The following CPLX2 variants were observed in gnomAD, a reference collection of about 807,000 sequenced individuals.
CPLX2 encodes complexin 2, also known as complexin-2.
In CPLX2, 5 loss-of-function variants were observed where a neutral mutation model predicts 16.3. The ratio of observed to expected loss-of-function variants is 0.31; its 90% CI spans 0.16 to 0.64. The LOEUF is 0.64. Among genes scored for constraint, CPLX2 ranks in the 30% least tolerant of loss-of-function variants. The pLI is 0.79. For missense variants in CPLX2, 144 were observed against 181.4 expected, an observed-to-expected ratio of 0.79 and a Z score of 1.18; for synonymous variants, 89 against 73.2, an observed-to-expected ratio of 1.22 and a Z score of -1.10.
At chr5:175,808,421 C>T (rs575995519) in intron 1 of CPLX2, among the ~76,000 whole-genome samples, 1 of 151,744 alleles carries the variant, frequency 6.6e-6, no homozygotes, top group South Asian at 2.1e-4. Context: ...GCATGGTGCC[C>T]CCTAGAATCA....
chr5:175,842,754 G>A (rs1758967482), intron 2 of CPLX2, among the ~76,000 whole-genome samples: 1 of 152,322 alleles, frequency 6.6e-6, no homozygotes, highest in Admixed American at 6.5e-5. Context: ...TGGGTATTAG[G>A]CAGCCTCTCC....
intron 2 of CPLX2, among the ~76,000 whole-genome samples, chr5:175,819,413 A>AT (rs556167183): frequency 6.6e-6 from 1 of 152,072 alleles, no homozygotes; most frequent in Non-Finnish European, 1.5e-5. Context: ...AACATTTGGT[A>AT]TTTTCCGTCT....
chr5:175,824,344 T>G (rs529941832), intron 2 of CPLX2, among the ~76,000 whole-genome samples: 4 of 152,166 alleles, frequency 2.6e-5, no homozygotes, highest in African/African-American at 7.2e-5. Flanking sequence ...CTAAGAAATA[T>G]AGCAAGCAAT....
chr5:175,813,899 T>C (rs1469005530), intron 2 of CPLX2, among the ~76,000 whole-genome samples: 4 of 152,232 alleles, frequency 2.6e-5, no homozygotes, highest in African/African-American at 9.6e-5. Flanking sequence ...TGGAAGTGGA[T>C]AAACGATGTT....
chr5:175,854,562 G>T (rs867604436), intron 2 of CPLX2, among the ~76,000 whole-genome samples: 1 of 152,188 alleles, frequency 6.6e-6, no homozygotes. Flanking sequence ...TGCCTGGCAG[G>T]TGGTGAGCAC....
chr5:175,860,627 G>GAAGA lies in CPLX2; in HGVS notation c.-88-18022_-88-18021insAAAG, dbSNP rs1246479604. 1.1e-4 allele frequency among the ~76,000 whole-genome samples: 16 copies of GAAGA among 151,682 alleles called. 1 individual carries two copies. Among genetic ancestry groups the GAAGA allele is most frequent in the African/African-American group, 3.1e-4 (13 of 41,372 alleles). On this transcript the variant is annotated intron_variant, in intron 2 of 4. Coordinates refer to the CPLX2 transcript ENST00000359546. ...GGAAGGAAGGAAGGAAGGAAGGAAG[G>GAAGA]AAGGAAGGAAGGAAGGGTCTCTTTC...
intron 2 of CPLX2, among the ~76,000 whole-genome samples, chr5:175,831,806 G>A (rs566244591): frequency 2.6e-5 from 4 of 152,332 alleles, no homozygotes; most frequent in Admixed American, 6.5e-5. Context: ...CAGAGGCAGA[G>A]GCAACTGATT....
intron 2 of CPLX2, among the ~76,000 whole-genome samples, chr5:175,836,163 A>G (rs959511016): frequency 6.6e-6 from 1 of 152,126 alleles, no homozygotes; most frequent in Non-Finnish European, 1.5e-5. Flanking sequence ...ATCCTGGCTA[A>G]CACGGTGAAA....
At chr5:175,848,999 T>C (rs1421407184) in intron 2 of CPLX2, among the ~76,000 whole-genome samples, 2 of 151,712 alleles carry the variant, frequency 1.3e-5, no homozygotes, top group East Asian at 3.9e-4. Context: ...GCCCAGAGAG[T>C]GACTGGATTG....
chr5:175,815,521 C>G (rs573268842), intron 2 of CPLX2, among the ~76,000 whole-genome samples: 25 of 152,304 alleles, frequency 1.6e-4, no homozygotes, highest in Middle Eastern at 3.4e-3. Context: ...TACACCTGGG[C>G]TGGTTTGTTT....
chr5:175,839,102 T>G (rs1047094505), intron 2 of CPLX2, among the ~76,000 whole-genome samples: 1 of 152,182 alleles, frequency 6.6e-6, no homozygotes, highest in African/African-American at 2.4e-5. Context: ...CACACGATGT[T>G]GCCCAGGCTG....
chr5:175,855,681 C>T (rs2113683367), intron 2 of CPLX2, among the ~76,000 whole-genome samples: 1 of 152,194 alleles, frequency 6.6e-6, no homozygotes, highest in South Asian at 2.1e-4. Flanking sequence ...TCAGTAAGTC[C>T]AACAGAAAGA....
chr5:175,860,428 G>C (rs1759339792), intron 2 of CPLX2, among the ~76,000 whole-genome samples: 1 of 138,960 alleles, frequency 7.2e-6, no homozygotes, highest in African/African-American at 2.8e-5. Context: ...AAGGAAGGAA[G>C]GAAGGAAGAA....
chr5:175,807,316 G>T (rs747524541), intron 1 of CPLX2, among the ~76,000 whole-genome samples: 1 of 152,164 alleles, frequency 6.6e-6, no homozygotes, highest in Admixed American at 6.5e-5. Flanking sequence ...GCCAGATGAC[G>T]CGCTAGCTGT....
chr5:175,823,487 C>T (rs1274298560), intron 2 of CPLX2, among the ~76,000 whole-genome samples: 1 of 152,200 alleles, frequency 6.6e-6, no homozygotes, highest in African/African-American at 2.4e-5. Context: ...TCAGAGATAA[C>T]TGGTGAGATC....
intron 2 of CPLX2, among the ~76,000 whole-genome samples, chr5:175,836,617 G>A (rs1758845735): frequency 6.6e-6 from 1 of 152,174 alleles, no homozygotes; most frequent in Admixed American, 6.5e-5. Flanking sequence ...CTGGAAAGAG[G>A]GGCCCTCTTT....
upstream of CPLX2, chr5:175,871,423 GA>G (rs1759596061): frequency 1.7e-5 from 2 of 117,232 alleles, no homozygotes; most frequent in East Asian, 2.5e-4. Flanking sequence ...GAGAGAGAGA[GA>G]GAGAGAGACA....
At chr5:175,805,031 A>G (rs1758170555) in intron 1 of CPLX2, among the ~76,000 whole-genome samples, 1 of 152,204 alleles carries the variant, frequency 6.6e-6, no homozygotes, top group African/African-American at 2.4e-5. Flanking sequence ...GGTTGTTGTA[A>G]TATTAGGAAA....
At chr5:175,829,495 G>A (rs1196797959) in intron 2 of CPLX2, among the ~76,000 whole-genome samples, 1 of 152,198 alleles carries the variant, frequency 6.6e-6, no homozygotes, top group African/African-American at 2.4e-5. Context: ...GAGGGGACTA[G>A]GTGGGCCTCG....
Sources: allele counts gnomAD v4.1 joint callset (sites outside exome capture counted in the v4.1 genomes callset), GRCh38; gene constraint gnomAD v4.1.1; transcripts MANE v1.5; gene names NCBI Gene and HGNC (gene_info 2026-07-23, HGNC 2026-07-21).